MGMT: variants seen among roughly 807,000 people sequenced by gnomAD.
MGMT encodes the protein methylated-DNA--protein-cysteine methyltransferase.
MGMT carries 14 observed loss-of-function variants against 15.9 expected under a neutral mutation model. The observed-to-expected ratio is 0.88, with a 90% CI of 0.58 to 1.37. The LOEUF (loss-of-function observed/expected upper bound fraction) is 1.37, where lower values mean the gene tolerates loss of function less well. Ranked by LOEUF, MGMT falls within the 40% of genes most tolerant of loss-of-function variation. MGMT has a pLI of 0.00. For synonymous variants in MGMT, 130 were observed against 118.2 expected, an observed-to-expected ratio of 1.10 and a Z score of -0.65; for missense variants, 282 against 268.1, an observed-to-expected ratio of 1.05 and a Z score of -0.36.
At position 129,748,600 on chromosome 10, in the gene MGMT, G is replaced by A. The variant is rs549811499; in HGVS notation, c.275-10602G>A. ...GGGCACTAGGTTTGCTCCTTGCTAT[G>A]GGGGTGGTGTTGTTTCTAAGTCTTC... On this transcript the variant is annotated intron_variant, in intron 3 of 4. Transcript: ENST00000651593. Among the ~76,000 whole-genome samples, 18 of 152,250 alleles carry A rather than the reference G, an allele frequency of 1.2e-4. No individual in the cohort carries two copies. The South Asian group carries it at 3.7e-3, about 32-fold the overall frequency.
Position 129,543,466 on chromosome 10 carries a change from C to T in MGMT, c.125+7089C>T, listed in dbSNP as rs146291188. ...ACAGAGCTGCCTCGCCACAGAAGAGCGAGGTTCTGGGATTCACTGTGAAAT... is the reference window on the plus strand; with the variant it reads ...ACAGAGCTGCCTCGCCACAGAAGAGTGAGGTTCTGGGATTCACTGTGAAAT... On this transcript the variant is annotated intron_variant, in intron 2 of 4. Transcript: ENST00000651593. Among the ~76,000 whole-genome samples the T allele has an allele frequency of 1.6e-4, 24 of 152,232 alleles. No individual in the cohort carries two copies. The East Asian group carries it at 4.3e-3, about 27-fold the overall frequency.
At chr10:129,662,547 C>G (rs1847609363) in intron 2 of MGMT, among the ~76,000 whole-genome samples, 1 of 152,160 alleles carries the variant, frequency 6.6e-6, no homozygotes, top group Non-Finnish European at 1.5e-5. Context: ...CACAGTAACC[C>G]TCACTGCAAT....
intron 3 of MGMT, among the ~76,000 whole-genome samples, chr10:129,708,485 C>A (rs1334868578): frequency 1.3e-5 from 2 of 152,180 alleles, no homozygotes; most frequent in African/African-American, 2.4e-5. Flanking sequence ...AGCATTGGAG[C>A]TTCTCAAATA....
Position 129,513,379 on chromosome 10 carries a change from A to G in MGMT, c.-12-22862A>G, listed in dbSNP as rs527652330. Among the ~76,000 whole-genome samples, 8 of 152,360 alleles carry G rather than the reference A, an allele frequency of 5.3e-5. No homozygotes were observed. In the South Asian group the frequency reaches 1.2e-3, roughly 24 times the overall value. ...ATTACACACTTACAAAATAGTTAAC[A>G]TAAATATTGCATTTTGCCACAATAA... On this transcript the variant is annotated intron_variant, in intron 1 of 4. Coordinates refer to ENST00000651593, the MANE Select transcript of MGMT (RefSeq NM_002412.5).
chr10:129,583,468 T>C (rs2133048412), intron 2 of MGMT, among the ~76,000 whole-genome samples: 1 of 152,330 alleles, frequency 6.6e-6, no homozygotes, highest in Non-Finnish European at 1.5e-5. Context: ...TGGATCAAGA[T>C]GGTGTGTTGC....
In MGMT at chr10:129,533,909, G is replaced by A. The variant is rs1845958751; in HGVS notation, c.-12-2332G>A. The stretch of plus-strand genomic sequence containing the variant: ...TTGGAAGAATGGGCGGGATGGTGAT[G>A]ATTTGAATGAGACTTGGGGGAGTTG... On this transcript the variant is annotated intron_variant, in intron 1 of 4. Transcript: ENST00000651593. The surrounding 1 kb of genome is among the most constrained non-coding windows in gnomAD (Gnocchi z 4.5). Among the ~76,000 whole-genome samples the A allele has an allele frequency of 6.6e-6, 1 of 152,156 alleles. No individual in the cohort carries two copies. The highest frequency in any genetic ancestry group is 6.5e-5 in the Admixed American group (1 of 15,270).
intron 1 of MGMT, among the ~76,000 whole-genome samples, chr10:129,516,212 G>A (rs1450116878): frequency 6.6e-6 from 1 of 152,236 alleles, no homozygotes; most frequent in African/African-American, 2.4e-5. Context: ...TTCTGTCTTT[G>A]ATGTCTGTAT....
At chr10:129,509,323 C>G (rs751909214) in intron 1 of MGMT, among the ~76,000 whole-genome samples, 1 of 152,202 alleles carries the variant, frequency 6.6e-6, no homozygotes. Context: ...TAGTCCCGCC[C>G]CTCGAGACGA....
At chr10:129,747,138 G>A (rs1045396632) in intron 3 of MGMT, among the ~76,000 whole-genome samples, 5 of 152,154 alleles carry the variant, frequency 3.3e-5, no homozygotes, top group South Asian at 2.1e-4. Flanking sequence ...TAGTAACCTT[G>A]TATCTAGTGA....
chr10:129,668,005 G>T (rs896706215), intron 2 of MGMT, among the ~76,000 whole-genome samples: 3 of 152,072 alleles, frequency 2.0e-5, no homozygotes, highest in African/African-American at 7.2e-5. Context: ...CATATATGTT[G>T]AAAGTATCTC....
chr10:129,710,656 T>C (rs1312653694), intron 3 of MGMT, among the ~76,000 whole-genome samples: 1 of 152,204 alleles, frequency 6.6e-6, no homozygotes, highest in Non-Finnish European at 1.5e-5. Context: ...CCCCTCTCTG[T>C]CTGGCATGAG....
At chr10:129,538,279 C>T (rs1404551854) in intron 2 of MGMT, among the ~76,000 whole-genome samples, 1 of 152,162 alleles carries the variant, frequency 6.6e-6, no homozygotes, top group Non-Finnish European at 1.5e-5. Flanking sequence ...AGAAAATTCC[C>T]TTGTGCCCCC....
At chr10:129,670,701 T>G (rs547450792) in intron 2 of MGMT, among the ~76,000 whole-genome samples, 2 of 152,172 alleles carry the variant, frequency 1.3e-5, no homozygotes, top group African/African-American at 2.4e-5. Flanking sequence ...TAAAAGATTA[T>G]GAAGGACATA....
intron 2 of MGMT, among the ~76,000 whole-genome samples, chr10:129,584,508 G>T (rs1053236753): frequency 4.0e-5 from 6 of 150,266 alleles, no homozygotes; most frequent in Admixed American, 6.6e-5. Context: ...CATTTAAATT[G>T]TACAGCATGC....
intron 4 of MGMT, among the ~76,000 whole-genome samples, chr10:129,766,107 C>T (rs569755800): frequency 1.3e-5 from 2 of 152,274 alleles, no homozygotes; most frequent in South Asian, 2.1e-4. Flanking sequence ...TGTATGGCTG[C>T]GTGGTTGTGG....
chr10:129,651,346 A>G (rs887262448), intron 2 of MGMT, among the ~76,000 whole-genome samples: 1 of 152,170 alleles, frequency 6.6e-6, no homozygotes, highest in African/African-American at 2.4e-5. Context: ...AATAAGCTAA[A>G]GAAAGAACTA....
intron 2 of MGMT, among the ~76,000 whole-genome samples, chr10:129,661,278 A>C (rs1173529401): frequency 6.6e-6 from 1 of 151,836 alleles, no homozygotes; most frequent in Non-Finnish European, 1.5e-5. Flanking sequence ...TGCTGTGTGC[A>C]AGTATTTCTG....
chr10:129,663,814 A>G (rs947885309), intron 2 of MGMT, among the ~76,000 whole-genome samples: 8 of 152,192 alleles, frequency 5.3e-5, no homozygotes, highest in African/African-American at 1.2e-4. Flanking sequence ...AACAGAGAAC[A>G]TTTTCAAAGA....
intron 2 of MGMT, among the ~76,000 whole-genome samples, chr10:129,675,997 A>G (rs1847780789): frequency 6.6e-6 from 1 of 152,138 alleles, no homozygotes; most frequent in African/African-American, 2.4e-5. Flanking sequence ...AGTAGCTGCT[A>G]CCTGGCACTG....
Sources: gnomAD v4.1 joint callset for allele counts (sites outside exome capture counted in the v4.1 genomes callset) on GRCh38, gnomAD v4.1.1 for gene constraint, Gnocchi (gnomAD v3.1) non-coding constraint, MANE v1.5 for transcripts, NCBI Gene and HGNC (gene_info 2026-07-23, HGNC 2026-07-21) for gene names.